Variants in GABRG3 observed in about 807,000 individuals in gnomAD.
The protein encoded by GABRG3 is gamma-aminobutyric acid type A receptor subunit gamma3.
GABRG3 carries 25 observed loss-of-function variants against 48.8 expected under a neutral mutation model. The ratio of observed to expected loss-of-function variants is 0.51; its 90% CI spans 0.37 to 0.72. The LOEUF is 0.72. GABRG3 is among the 30% of genes least tolerant of loss of function. The pLI is 0.00. For synonymous variants in GABRG3, 227 were observed against 217.6 expected (o/e 1.04, Z -0.38); for missense variants, 394 against 577.9 (o/e 0.68, Z 3.26).
intron 5 of GABRG3, among the ~76,000 whole-genome samples, chr15:27,331,077 G>A (rs1893787036): frequency 6.6e-6 from 1 of 152,114 alleles, no homozygotes; most frequent in African/African-American, 2.4e-5. Context: ...GCAAAAATCT[G>A]AAACACTGGC....
rs558436903 is a variant in GABRG3, at chr15:27,256,305, A to G, written c.271-70504A>G. ...AAATACAAAAAATTAGCCGGGTGCG[A>G]TGGAGGGCGCCTGTAGGCCCAGCTA... On this transcript the variant is annotated intron_variant, in intron 3 of 9. Transcript: ENST00000615808. 3.2e-4 allele frequency among the ~76,000 whole-genome samples: 48 copies of G among 151,980 alleles called. No homozygotes were observed. The South Asian group carries it at 0.01, about 32-fold the overall frequency.
intron 3 of GABRG3, among the ~76,000 whole-genome samples, chr15:27,110,936 T>A (rs1311262398): frequency 1.3e-5 from 2 of 152,200 alleles, no homozygotes; most frequent in Non-Finnish European, 1.5e-5. Flanking sequence ...TGTCTGTCAC[T>A]ACTTTTGGAA....
At chr15:27,159,209 T>C (rs1898511542) in intron 3 of GABRG3, among the ~76,000 whole-genome samples, 1 of 152,124 alleles carries the variant, frequency 6.6e-6, no homozygotes, top group Non-Finnish European at 1.5e-5. Context: ...AGGCCGGGCA[T>C]GGTGGTTCAC....
chr15:27,361,224 G>T (rs915477911), intron 5 of GABRG3, among the ~76,000 whole-genome samples: 2 of 152,192 alleles, frequency 1.3e-5, no homozygotes, highest in Non-Finnish European at 2.9e-5. Context: ...TGAGCTGGAG[G>T]ATTTAGCAGA....
At chr15:27,398,768 A>G (rs1055141798) in intron 5 of GABRG3, among the ~76,000 whole-genome samples, 10 of 152,202 alleles carry the variant, frequency 6.6e-5, no homozygotes, top group Non-Finnish European at 1.2e-4. Flanking sequence ...TGACTGGCCA[A>G]CGTGTACCTG....
At chr15:27,221,899 A>C (rs1192110836) in intron 3 of GABRG3, among the ~76,000 whole-genome samples, 5 of 152,134 alleles carry the variant, frequency 3.3e-5, no homozygotes, top group South Asian at 4.2e-4. Flanking sequence ...ATGCACTAGG[A>C]GTTTGTATGA....
At chr15:27,296,630 A>G (rs1426567668) in intron 3 of GABRG3, among the ~76,000 whole-genome samples, 1 of 152,154 alleles carries the variant, frequency 6.6e-6, no homozygotes, top group Non-Finnish European at 1.5e-5. Flanking sequence ...CCTATCGCCT[A>G]GTGATAGCAT....
chr15:27,479,826 G>C (rs1890053291), intron 5 of GABRG3, among the ~76,000 whole-genome samples: 1 of 152,218 alleles, frequency 6.6e-6, no homozygotes, highest in Non-Finnish European at 1.5e-5. Context: ...TGCAGATCAG[G>C]CAGTAAAAAG....
chr15:27,351,254 GTGTA>G (rs1352440834), intron 5 of GABRG3, among the ~76,000 whole-genome samples: 2 of 150,034 alleles, frequency 1.3e-5, no homozygotes, highest in Non-Finnish European at 3.0e-5. Context: ...TGGTGTTTGT[GTGTA>G]TGGTGTGTGT....
rs192604414 is a variant in GABRG3 at position 27,003,636 on chromosome 15, A to G, written c.203-23118A>G. Among the ~76,000 whole-genome samples the G allele has an allele frequency of 4.9e-3, 752 of 152,330 alleles. 5 individuals carry two copies. Among genetic ancestry groups the G allele is most frequent in the African/African-American group, 0.017 (725 of 41,564 alleles). Reference sequence around the variant, plus strand: ...CATGTATACTTCTTTCTACACAGACATGGCAACCATCCGATTTCTCAATCT... The same window carrying G: ...CATGTATACTTCTTTCTACACAGACGTGGCAACCATCCGATTTCTCAATCT... On this transcript the variant is annotated intron_variant, in intron 2 of 9. Transcript: ENST00000615808.
chr15:27,075,709 A>G (rs1566928230), intron 3 of GABRG3, among the ~76,000 whole-genome samples: 1 of 152,226 alleles, frequency 6.6e-6, no homozygotes, highest in South Asian at 2.1e-4. Context: ...TGAGCTTTGC[A>G]CTTCAGAGGA....
chr15:27,336,050 G>A (rs1490307026), intron 5 of GABRG3, among the ~76,000 whole-genome samples: 2 of 152,024 alleles, frequency 1.3e-5, no homozygotes, highest in Admixed American at 6.6e-5. Flanking sequence ...TTAGCCGGGT[G>A]TGGTGGTGCA....
intron 3 of GABRG3, among the ~76,000 whole-genome samples, chr15:27,252,609 A>C (rs901128555): frequency 1.3e-5 from 2 of 152,178 alleles, no homozygotes; most frequent in African/African-American, 4.8e-5. Flanking sequence ...TCTGAATTAC[A>C]GCAGAAATTG....
intron 5 of GABRG3, among the ~76,000 whole-genome samples, chr15:27,368,622 A>G (rs1895291922): frequency 6.6e-6 from 1 of 152,166 alleles, no homozygotes; most frequent in African/African-American, 2.4e-5. Flanking sequence ...AGGTTCCATT[A>G]TTGTTACCTC....
intron 5 of GABRG3, among the ~76,000 whole-genome samples, chr15:27,453,495 T>C (rs1010518120): frequency 1.4e-4 from 22 of 152,264 alleles, no homozygotes; most frequent in African/African-American, 4.3e-4. Flanking sequence ...TGCATGTGTC[T>C]TGAAGTTAAA....
chr15:27,369,084 T>C (rs965093162), intron 5 of GABRG3, among the ~76,000 whole-genome samples: 2 of 152,258 alleles, frequency 1.3e-5, no homozygotes, highest in African/African-American at 4.8e-5. Flanking sequence ...ACCTTGCTTA[T>C]GTGTAATATT....
intron 6 of GABRG3, among the ~76,000 whole-genome samples, chr15:27,517,714 A>G (rs1457552992): frequency 2.0e-5 from 3 of 152,112 alleles, no homozygotes; most frequent in Admixed American, 2.0e-4. Flanking sequence ...TAGGGTTTTG[A>G]TTGCAATTTT....
chr15:26,988,039 A>G (rs1895181925), intron 2 of GABRG3, among the ~76,000 whole-genome samples: 3 of 152,180 alleles, frequency 2.0e-5, no homozygotes, highest in Non-Finnish European at 4.4e-5. Context: ...AATAACATAA[A>G]TCCTTTTAAG....
At chr15:27,248,799 C>G (rs1053222054) in intron 3 of GABRG3, among the ~76,000 whole-genome samples, 1,847 of 115,254 alleles carry the variant, frequency 0.016, 19 homozygotes, top group African/African-American at 0.024. Flanking sequence ...CACACACACA[C>G]ACACAGAGAG....
Sources: allele counts gnomAD v4.1 joint callset (sites outside exome capture counted in the v4.1 genomes callset), GRCh38; gene constraint gnomAD v4.1.1; transcripts MANE v1.5; gene names NCBI Gene and HGNC (gene_info 2026-07-23, HGNC 2026-07-21).